Variants in OXR1 observed in about 807,000 individuals in gnomAD.
OXR1 encodes oxidation resistance protein 1.
In OXR1, 41 loss-of-function variants were observed where a neutral mutation model predicts 104.6. That is an observed-to-expected ratio of 0.39 (90% CI 0.31 to 0.51). OXR1 has a LOEUF of 0.51. Among genes scored for constraint, OXR1 ranks in the 20% least tolerant of loss-of-function variants. OXR1 has a pLI of 0.77. For synonymous variants in OXR1, 348 were observed against 348.4 expected, an observed-to-expected ratio of 1.00 and a Z score of 0.01; for missense variants, 955 against 1,031.9, an observed-to-expected ratio of 0.93 and a Z score of 1.02.
At chr8:106,747,665 A>G (rs1312449781) in intron 16 of OXR1, among the ~76,000 whole-genome samples, 1 of 152,242 alleles carries the variant, frequency 6.6e-6, no homozygotes, top group African/African-American at 2.4e-5. Flanking sequence ...ATATTTGGAT[A>G]TCACATACCT....
chr8:106,492,169 G>A (rs1006378620), intron 2 of OXR1, among the ~76,000 whole-genome samples: 11 of 152,174 alleles, frequency 7.2e-5, no homozygotes, highest in African/African-American at 2.7e-4. Context: ...ACCCTGAGGT[G>A]CCTGGGTCAC....
At chr8:106,330,138 G>A (rs889102285) in intron 1 of OXR1, among the ~76,000 whole-genome samples, 1 of 152,102 alleles carries the variant, frequency 6.6e-6, no homozygotes, top group Admixed American at 6.6e-5. Flanking sequence ...TCTTCCACTA[G>A]ACTGAACAGT....
chr8:106,347,317 A>C (rs1815536659), intron 1 of OXR1, among the ~76,000 whole-genome samples: 1 of 152,214 alleles, frequency 6.6e-6, no homozygotes, highest in African/African-American at 2.4e-5. Flanking sequence ...TCAGGATTGC[A>C]ATATGCCCTA....
chr8:106,660,604 A>T (rs1340924856), intron 3 of OXR1, among the ~76,000 whole-genome samples: 1 of 152,190 alleles, frequency 6.6e-6, no homozygotes, highest in Non-Finnish European at 1.5e-5. Context: ...TCCTTCTCAC[A>T]ACCCAACATC....
At chr8:106,581,312 T>G (rs2130627907) in intron 3 of OXR1, 1 of 1,112,370 alleles carries the variant, frequency 9.0e-7, no homozygotes, top group Non-Finnish European at 1.2e-6. Flanking sequence ...CTAAAAAATG[T>G]CAACCACTTG....
intron 2 of OXR1, among the ~76,000 whole-genome samples, chr8:106,485,365 T>G (rs1244514897): frequency 6.6e-6 from 1 of 152,094 alleles, no homozygotes; most frequent in Non-Finnish European, 1.5e-5. Flanking sequence ...GTGTAACAAA[T>G]GTAACATTCT....
At chr8:106,750,462 A>G (rs1440237978) in intron 16 of OXR1, among the ~76,000 whole-genome samples, 3 of 151,310 alleles carry the variant, frequency 2.0e-5, no homozygotes, top group Non-Finnish European at 4.4e-5. Flanking sequence ...AGTAGCTGGG[A>G]TTACAGGCAT....
intron 2 of OXR1, among the ~76,000 whole-genome samples, chr8:106,382,734 A>AG (rs1348371694): frequency 7.5e-6 from 1 of 133,776 alleles, no homozygotes; most frequent in Non-Finnish European, 1.5e-5. Flanking sequence ...TTAGGGGGAC[A>AG]GGGGGCTATA....
intron 11 of OXR1, among the ~76,000 whole-genome samples, chr8:106,731,981 A>G (rs1833933415): frequency 6.6e-6 from 1 of 152,176 alleles, no homozygotes; most frequent in Non-Finnish European, 1.5e-5. Context: ...TCCATACATC[A>G]AGTTGAGAAG....
In OXR1 at chr8:106,318,009, C is replaced by T. The variant is rs77221076; in HGVS notation, c.-138-41467C>T. ...TGTGAGAAGATAAAATTAATATATT[C>T]CTAATGACCATGACAGGAAATAATG... On this transcript the variant is annotated intron_variant, in intron 1 of 16. Coordinates refer to ENST00000517566, the MANE Select transcript of OXR1 (RefSeq NM_001198533.2). 5.9e-3 allele frequency among the ~76,000 whole-genome samples: 893 copies of T among 152,070 alleles called. 10 individuals carry two copies. The highest frequency in any genetic ancestry group is 0.021 in the African/African-American group (857 of 41,458).
At chr8:106,414,771 A>G (rs1475288597) in intron 2 of OXR1, among the ~76,000 whole-genome samples, 1 of 152,142 alleles carries the variant, frequency 6.6e-6, no homozygotes, top group African/African-American at 2.4e-5. Flanking sequence ...GTAAGAGTAC[A>G]GACTGGAAAG....
intron 3 of OXR1, among the ~76,000 whole-genome samples, chr8:106,610,258 A>G (rs1346676425): frequency 6.6e-6 from 1 of 152,094 alleles, no homozygotes; most frequent in African/African-American, 2.4e-5. Context: ...TCATCAGTTG[A>G]TCCACTTCTG....
At chr8:106,433,034 AC>A (rs1819425115) in intron 2 of OXR1, among the ~76,000 whole-genome samples, 1 of 152,186 alleles carries the variant, frequency 6.6e-6, no homozygotes, top group African/African-American at 2.4e-5. Flanking sequence ...TTATGAAGAC[AC>A]GAGAATTGCA....
intron 3 of OXR1, among the ~76,000 whole-genome samples, chr8:106,540,170 A>G (rs1814840539): frequency 6.6e-6 from 1 of 152,176 alleles, no homozygotes; most frequent in African/African-American, 2.4e-5. Flanking sequence ...CAATAAAGTG[A>G]CATAGCAAGC....
chr8:106,364,632 AT>A (rs1240254230), intron 2 of OXR1, among the ~76,000 whole-genome samples: 2 of 151,982 alleles, frequency 1.3e-5, no homozygotes, highest in Non-Finnish European at 2.9e-5. Context: ...TTTTTTTAGA[AT>A]TTTAGAGTTC....
intron 3 of OXR1, among the ~76,000 whole-genome samples, chr8:106,632,022 G>A (rs1822729523): frequency 6.6e-6 from 1 of 152,044 alleles, no homozygotes; most frequent in African/African-American, 2.4e-5. Context: ...TCCTAGACAA[G>A]GAGACCAAAA....
chr8:106,620,945 AAGTT>A (rs974729247), intron 3 of OXR1, among the ~76,000 whole-genome samples: 22 of 152,336 alleles, frequency 1.4e-4, no homozygotes, highest in Middle Eastern at 3.4e-3. Flanking sequence ...TGTGAGTAGA[AAGTT>A]AGGGAAAGGA....
intron 3 of OXR1, among the ~76,000 whole-genome samples, chr8:106,612,958 C>A (rs1278309199): frequency 6.6e-6 from 1 of 152,076 alleles, no homozygotes; most frequent in African/African-American, 2.4e-5. Flanking sequence ...AGAATCATAA[C>A]TGCTCATCAC....
chr8:106,751,643 A>G lies in OXR1; in HGVS notation c.*702A>G, dbSNP rs1835895914. The G allele has an allele frequency of 2.6e-5, 4 of 152,578 alleles. No homozygotes were observed. The highest frequency in any genetic ancestry group is 2.6e-4 in the Admixed American group (4 of 15,280). The allele number at this position is 152,578 out of a possible 1,614,324, so 9.5% of individuals were successfully genotyped here. A position where few individuals can be genotyped will look rare whatever the true frequency, so the allele number is the denominator to read the frequency against. On this transcript the variant is annotated 3_prime_UTR_variant, in exon 17 of 17. Transcript: ENST00000517566. ...ATTATCTGATAAAGTTACAAGTCAC[A>G]AAGGAGAATGAGAACTTAATGATTC...
Sources: allele counts gnomAD v4.1 joint callset (sites outside exome capture counted in the v4.1 genomes callset), GRCh38; gene constraint gnomAD v4.1.1; transcripts MANE v1.5; gene names NCBI Gene and HGNC (gene_info 2026-07-23, HGNC 2026-07-21).